SPTBN4: variants seen among roughly 807,000 people sequenced by gnomAD.
SPTBN4 encodes spectrin beta chain, non-erythrocytic 4.
SPTBN4 carries 96 observed loss-of-function variants against 277.8 expected under a neutral mutation model. The observed-to-expected ratio is 0.35, with a 90% CI of 0.29 to 0.41. The LOEUF is 0.41. Among genes scored for constraint, SPTBN4 ranks in the 10% least tolerant of loss-of-function variants. SPTBN4 has a pLI of 1.00. For missense variants in SPTBN4, 3,006 were observed against 3,595.7 expected (o/e 0.84, Z 4.19); for synonymous variants, 1,481 against 1,580.3 (o/e 0.94, Z 1.49).
chr19:40,532,319 G>A (rs555606189), intron 18 of SPTBN4, among the ~76,000 whole-genome samples: 3 of 152,026 alleles, frequency 2.0e-5, no homozygotes, highest in Admixed American at 6.6e-5. Context: ...AAGTCTAAGA[G>A]GCTGACTGGC....
At chr19:40,568,638 ACCT>A (rs2081120918) in intron 31 of SPTBN4, among the ~76,000 whole-genome samples, 1 of 152,008 alleles carries the variant, frequency 6.6e-6, no homozygotes, top group African/African-American at 2.4e-5. Context: ...TGGAACCCTC[ACCT>A]CCTTGATTGG....
intron 1 of SPTBN4, among the ~76,000 whole-genome samples, chr19:40,468,682 C>T (rs2079853167): frequency 6.6e-6 from 1 of 152,138 alleles, no homozygotes; most frequent in South Asian, 2.1e-4. Flanking sequence ...GCCGGGCCAT[C>T]ATTACTATTT....
chr19:40,517,323 T>C (rs2080472134), intron 15 of SPTBN4, among the ~76,000 whole-genome samples: 1 of 151,742 alleles, frequency 6.6e-6, no homozygotes, highest in Non-Finnish European at 1.5e-5. Flanking sequence ...AGGGTCTTGC[T>C]CTTTCGCCCA....
At position 40,560,150 on chromosome 19, in the gene SPTBN4, G is replaced by A; in HGVS notation, c.5671-9G>A. On this transcript the variant is annotated splice_polypyrimidine_tract_variant and intron_variant, in intron 26 of 35. Coordinates refer to ENST00000598249, the MANE Select transcript of SPTBN4 (RefSeq NM_020971.3). This position sits in a 1 kb window ranked among gnomAD's most constrained non-coding sequence, Gnocchi z 5.2. ...GGAGGGCTGGCGCCCGACCTGGCAT[G>A]CCCTTCAGGTACGGCAGCTGCAGGA... is the stretch of plus-strand genomic sequence containing the variant. 1.3e-6 allele frequency: 2 copies of A among 1,588,294 alleles called. No homozygotes were observed. The highest frequency in any genetic ancestry group is 1.7e-6 in the Non-Finnish European group (2 of 1,171,844).
At chr19:40,504,266 G>C in intron 12 of SPTBN4, 134 bp downstream of exon 12, 1 of 900,192 alleles carries the variant, frequency 1.1e-6, no homozygotes, top group South Asian at 1.8e-5. Context: ...GAAAGCCAGG[G>C]AGACAAAAAG....
chr19:40,520,209 C>T, intron 16 of SPTBN4, 58 bp downstream of exon 16: 1 of 1,273,080 alleles, frequency 7.9e-7, no homozygotes, highest in African/African-American at 1.6e-5. Flanking sequence ...GGGGGGATTG[C>T]AGGGACAGGG....
In SPTBN4 at chr19:40,513,375, G is replaced by A. The variant is rs1267930583; in HGVS notation, c.2586G>A (p.Leu862=). The stretch of plus-strand genomic sequence containing the variant: ...TGCGCGTGGTGGAAGCAGAGCAGTT[G>A]TTCGCTGAGGTGACCGAAGTGGCGG... ...LQVRVVEAEQ[L]FAEVTEVAAL... The change falls in exon 14 of 36, where the codon TTG becomes TTA. Residue 862 remains leucine, a synonymous_variant. Transcript: ENST00000598249. 2.5e-6 allele frequency: 4 copies of A among 1,602,892 alleles called. No homozygotes were observed. The highest frequency in any genetic ancestry group is 1.7e-5 in the Admixed American group (1 of 58,054).
intron 31 of SPTBN4, among the ~76,000 whole-genome samples, chr19:40,569,212 G>C (rs1468403266): frequency 1.3e-5 from 2 of 152,048 alleles, no homozygotes; most frequent in African/African-American, 4.8e-5. Flanking sequence ...GATCACTTGA[G>C]GTCAGAAGTT....
At chr19:40,532,573 G>A in intron 18 of SPTBN4, 52 bp from the exon 19 acceptor site, 1 of 1,575,132 alleles carries the variant, frequency 6.3e-7, no homozygotes, top group South Asian at 1.2e-5. Flanking sequence ...GGGATGGGGG[G>A]CTGTGGCAGG....
At chr19:40,507,789 C>G (rs184515310) in intron 13 of SPTBN4, among the ~76,000 whole-genome samples, 1 of 152,082 alleles carries the variant, frequency 6.6e-6, no homozygotes, top group Admixed American at 6.6e-5. Context: ...GAGCCGAGAT[C>G]GCACCACTGC....
intron 22 of SPTBN4, among the ~76,000 whole-genome samples, chr19:40,551,088 C>T (rs1309164531): frequency 1.3e-5 from 2 of 152,198 alleles, no homozygotes; most frequent in Non-Finnish European, 2.9e-5. Context: ...GAACCTGCTG[C>T]TGGAATCAGC....
chr19:40,546,117 C>T lies in SPTBN4; in HGVS notation c.4360-3072C>T, dbSNP rs527523706. Reference sequence around the variant, plus strand: ...ATGTGTGCCTGTGATCCCAGCTACTCGGGAGGCGGAGGCAGGAGAATCACT... The same window carrying T: ...ATGTGTGCCTGTGATCCCAGCTACTTGGGAGGCGGAGGCAGGAGAATCACT... On this transcript the variant is annotated intron_variant, in intron 20 of 35. Coordinates refer to ENST00000598249, the MANE Select transcript of SPTBN4 (RefSeq NM_020971.3). 6.1e-5 allele frequency among the ~76,000 whole-genome samples: 9 copies of T among 146,914 alleles called. No homozygotes were observed. In the South Asian group the frequency reaches 1.5e-3, roughly 25 times the overall value.
chr19:40,470,245 C>T (rs894413320), intron 1 of SPTBN4, among the ~76,000 whole-genome samples: 4 of 152,046 alleles, frequency 2.6e-5, no homozygotes, highest in Admixed American at 1.3e-4. Flanking sequence ...GCAATCCACC[C>T]GCCTTGGCCT....
chr19:40,519,951 G>A lies in SPTBN4; in HGVS notation c.3454G>A (p.Ala1152Thr). ...REEDYARIVA[A>T]SEALLAADGA... ...GGAAGACTATGCTCGCATCGTGGCG[G>A]CCAGCGAGGCGCTGCTGGCCGCCGA... Residue 1152 changes from alanine (A) to threonine (T), a missense_variant, in exon 16 of 36, where the codon GCC (alanine) becomes ACC (threonine). Transcript: ENST00000598249. The surrounding 1 kb of genome is among the most constrained non-coding windows in gnomAD (Gnocchi z 5.7). 4 of 1,542,392 alleles carry A rather than the reference G, an allele frequency of 2.6e-6. No individual in the cohort carries two copies. The highest frequency in any genetic ancestry group is 1.2e-5 in the South Asian group (1 of 82,494).
intron 33 of SPTBN4, 31 bp from the exon 34 acceptor site, chr19:40,571,988 C>G: frequency 6.6e-7 from 1 of 1,518,132 alleles, no homozygotes; most frequent in Non-Finnish European, 8.8e-7. Flanking sequence ...AGTGCTGCGG[C>G]TCTGCCTTGA....
At chr19:40,526,362 G>C (rs2080591772) in intron 17 of SPTBN4, among the ~76,000 whole-genome samples, 1 of 152,090 alleles carries the variant, frequency 6.6e-6, no homozygotes, top group Non-Finnish European at 1.5e-5. Context: ...GGTAGAGACA[G>C]GGTTTTGCCA....
At chr19:40,543,553 T>G (rs541637183) in intron 20 of SPTBN4, among the ~76,000 whole-genome samples, 1 of 152,276 alleles carries the variant, frequency 6.6e-6, no homozygotes, top group African/African-American at 2.4e-5. Context: ...CAAGAAGTCT[T>G]GGCTTGGTTC....
chr19:40,572,015 C>G lies in SPTBN4; in HGVS notation c.7320-4C>G. ...CTGCCTTGAGCCCCATCTTGTCGCT[C>G]CAGGTCGTGGGTGAGCCTGTACTGT... On this transcript the variant is annotated splice_polypyrimidine_tract_variant and splice_region_variant and intron_variant, in intron 33 of 35. Transcript: ENST00000598249. 6.5e-7 allele frequency: 1 copy of G among 1,536,682 alleles called. No individual in the cohort carries two copies. Among genetic ancestry groups the G allele is most frequent in the South Asian group, 1.2e-5 (1 of 80,304 alleles).
rs958708909 is a variant in SPTBN4, at chr19:40,530,412, G to A, written c.3948+1281G>A. On this transcript the variant is annotated intron_variant, in intron 18 of 35. Coordinates refer to ENST00000598249, the MANE Select transcript of SPTBN4 (RefSeq NM_020971.3). ...CTGGGGCCCCGCAAAGAGGCGGGCAGGGAGGCAGGCAGGGGGCGCACGCGG... is the reference window on the plus strand; with the variant it reads ...CTGGGGCCCCGCAAAGAGGCGGGCAAGGAGGCAGGCAGGGGGCGCACGCGG... 16 of 773,074 alleles carry A rather than the reference G, an allele frequency of 2.1e-5. No individual in the cohort carries two copies. The African/African-American group carries it at 2.6e-4, about 13-fold the overall frequency. The allele number at this position is 773,074 out of a possible 1,614,324, so 47.9% of individuals were successfully genotyped here.
Sources: gnomAD v4.1 joint callset for allele counts (sites outside exome capture counted in the v4.1 genomes callset) on GRCh38, gnomAD v4.1.1 for gene constraint, Gnocchi (gnomAD v3.1) non-coding constraint, MANE v1.5 for transcripts, NCBI Gene and HGNC (gene_info 2026-07-23, HGNC 2026-07-21) for gene names.